BICRAL: variants seen among roughly 807,000 people sequenced by gnomAD.
The protein encoded by BICRAL is BICRA like chromatin remodeling complex associated protein.
Under a neutral mutation model 91.8 loss-of-function variants are expected in BICRAL, and 8 were observed. The observed-to-expected ratio is 0.09, with a 90% CI of 0.05 to 0.16. The LOEUF is 0.16. Ranked by LOEUF, BICRAL falls within the 10% of genes least tolerant of loss-of-function variation. The pLI is 1.00. For missense variants in BICRAL, 1,038 were observed against 1,310.9 expected, an observed-to-expected ratio of 0.79 and a Z score of 3.21; for synonymous variants, 445 against 491.1, an observed-to-expected ratio of 0.91 and a Z score of 1.24.
At position 42,862,576 on chromosome 6, in the gene BICRAL, C is replaced by T. The variant is rs1441820979; in HGVS notation, c.2416C>T (p.Leu806=). 5.0e-6 allele frequency: 8 copies of T among 1,610,968 alleles called. No homozygotes were observed. In the South Asian group the frequency reaches 7.7e-5, roughly 15 times the overall value. The change falls in exon 12 of 13, where the codon CTG becomes TTG. Residue 806 remains leucine, a synonymous_variant. Coordinates refer to ENST00000314073, the MANE Select transcript of BICRAL (RefSeq NM_001393499.1). ...RMFNQEERAS[L]SRDKRLALVD... is the part of the protein sequence containing the mutation. ...GTTCAACCAGGAGGAAAGAGCTTCC[C>T]TGTCCCGAGACAAGCGTTTGGCACT...
At chr6:42,766,837 G>C (rs935783953) in intron 1 of BICRAL, among the ~76,000 whole-genome samples, 4 of 152,094 alleles carry the variant, frequency 2.6e-5, no homozygotes, top group African/African-American at 9.7e-5. Flanking sequence ...TCAGGAGATC[G>C]AGACCATCCT....
In BICRAL at chr6:42,822,793, T is replaced by A; in HGVS notation, c.42-3T>A. On this transcript the variant is annotated splice_region_variant and splice_polypyrimidine_tract_variant and intron_variant, in intron 3 of 12. Transcript: ENST00000314073. Reference sequence around the variant, plus strand: ...TTATCTCTTTTTTTCCTCTCTTTTCTAGAGACCCACAAGCATTGAACTATT... The same window carrying A: ...TTATCTCTTTTTTTCCTCTCTTTTCAAGAGACCCACAAGCATTGAACTATT... 1 of 1,528,796 alleles carries A rather than the reference T, an allele frequency of 6.5e-7. No individual in the cohort carries two copies. The highest frequency in any genetic ancestry group is 1.7e-5 in the Admixed American group (1 of 59,608). The allele number at this position is 1,528,796 out of a possible 1,614,324, so 94.7% of individuals were successfully genotyped here. A position where few individuals can be genotyped will look rare whatever the true frequency, so the allele number is the denominator to read the frequency against.
chr6:42,763,746 G>A (rs1357895162), intron 1 of BICRAL, among the ~76,000 whole-genome samples: 2 of 151,872 alleles, frequency 1.3e-5, no homozygotes, highest in African/African-American at 4.8e-5. Context: ...ACTTCAACCC[G>A]GGAGGTGGAG....
At chr6:42,803,375 T>G (rs762860199) in intron 1 of BICRAL, among the ~76,000 whole-genome samples, 8 of 152,168 alleles carry the variant, frequency 5.3e-5, no homozygotes, top group Non-Finnish European at 2.9e-5. Flanking sequence ...TCACTTTTTT[T>G]ACACTGGCTT....
intron 1 of BICRAL, among the ~76,000 whole-genome samples, chr6:42,774,830 G>GT (rs34443955): frequency 2.0e-4 from 30 of 149,494 alleles, no homozygotes; most frequent in Admixed American, 4.7e-4. Context: ...CACTCCCGTA[G>GT]TTTTTTTTTT....
chr6:42,826,465 C>G (rs1366870493), intron 5 of BICRAL, among the ~76,000 whole-genome samples: 1 of 151,900 alleles, frequency 6.6e-6, no homozygotes, highest in Non-Finnish European at 1.5e-5. Context: ...GAACTCCGGA[C>G]CTCAGGTGAT....
intron 8 of BICRAL, 152 bp downstream of exon 8, chr6:42,853,890 C>T (rs1427238664): frequency 4.9e-6 from 3 of 616,646 alleles, no homozygotes; most frequent in Admixed American, 5.7e-5. Flanking sequence ...GAAGACCTTC[C>T]TGGTGGGCTG....
At chr6:42,842,665 T>C (rs144490952) in intron 6 of BICRAL, among the ~76,000 whole-genome samples, 1 of 152,304 alleles carries the variant, frequency 6.6e-6, no homozygotes, top group African/African-American at 2.4e-5. Context: ...TTTCAGTCCC[T>C]TCACTGATCT....
chr6:42,785,235 A>G (rs903831371), intron 1 of BICRAL, among the ~76,000 whole-genome samples: 11 of 152,126 alleles, frequency 7.2e-5, no homozygotes, highest in African/African-American at 2.4e-4. Context: ...TAGCCAGGCC[A>G]TCTAGTTTAG....
chr6:42,854,749 G>C (rs1765294056), intron 8 of BICRAL, among the ~76,000 whole-genome samples: 3 of 151,934 alleles, frequency 2.0e-5, no homozygotes, highest in Non-Finnish European at 1.5e-5. Context: ...TGAAACTCCT[G>C]GGCTCAAGCA....
At chr6:42,813,589 G>A (rs1172772792) in intron 2 of BICRAL, among the ~76,000 whole-genome samples, 1 of 152,088 alleles carries the variant, frequency 6.6e-6, no homozygotes, top group Admixed American at 6.6e-5. Context: ...ACACAATCAC[G>A]GCTCACTGCA....
chr6:42,845,633 C>T (rs562752792), intron 6 of BICRAL, among the ~76,000 whole-genome samples: 43 of 152,120 alleles, frequency 2.8e-4, no homozygotes, highest in Non-Finnish European at 1.6e-4. Flanking sequence ...GTTCTCCCTC[C>T]TTGTTCTCCT....
Position 42,835,405 on chromosome 6 carries a change from A to G in BICRAL, c.1839+5233A>G, listed in dbSNP as rs758561298. On this transcript the variant is annotated intron_variant, in intron 6 of 12. Coordinates refer to ENST00000314073, the MANE Select transcript of BICRAL (RefSeq NM_001393499.1). ...CAGCCTCCCAAAGTGCTGGGATTTC[A>G]GGCATGAGCCACCATGCCTGGCCTG... Among the ~76,000 whole-genome samples, 115 of 152,228 alleles carry G rather than the reference A, an allele frequency of 7.6e-4. 2 individuals are homozygous for G. In the Middle Eastern group the frequency reaches 0.01, roughly 14 times the overall value.
chr6:42,763,957 C>G (rs1278196406), intron 1 of BICRAL, among the ~76,000 whole-genome samples: 1 of 150,186 alleles, frequency 6.7e-6, no homozygotes, highest in African/African-American at 2.5e-5. Context: ...AAATGTCTGC[C>G]AAGGCTGGGC....
intron 1 of BICRAL, among the ~76,000 whole-genome samples, chr6:42,748,399 A>G (rs1290588766): frequency 2.6e-5 from 4 of 152,178 alleles, no homozygotes; most frequent in Admixed American, 2.6e-4. Flanking sequence ...GGAGTGAGAT[A>G]ACATTTCGGT....
In BICRAL at chr6:42,843,834, T is replaced by A. The variant is rs548564865; in HGVS notation, c.1840-8258T>A. Among the ~76,000 whole-genome samples the A allele has an allele frequency of 6.9e-5, 10 of 144,194 alleles. No individual in the cohort carries two copies. The South Asian group carries it at 2.0e-3, about 28-fold the overall frequency. The allele number at this position is 144,194 out of a possible 152,430, so 94.6% of individuals were successfully genotyped here. On this transcript the variant is annotated intron_variant, in intron 6 of 12. Coordinates refer to ENST00000314073, the MANE Select transcript of BICRAL (RefSeq NM_001393499.1). ...TTTTTTTTTTGAGACGGAGTCTCAC[T>A]CTGTCACCCAGGCGAGTGCAATAGC...
At chr6:42,845,665 G>C (rs897142559) in intron 6 of BICRAL, among the ~76,000 whole-genome samples, 4 of 152,064 alleles carry the variant, frequency 2.6e-5, no homozygotes, top group Non-Finnish European at 5.9e-5. Flanking sequence ...ATTGCCCCAG[G>C]CTATCTTTAC....
chr6:42,792,771 G>A (rs1344397507), intron 1 of BICRAL, among the ~76,000 whole-genome samples: 2 of 151,802 alleles, frequency 1.3e-5, no homozygotes, highest in Non-Finnish European at 2.9e-5. Flanking sequence ...AAATTAGCCA[G>A]GTGTGGTGGC....
intron 1 of BICRAL, among the ~76,000 whole-genome samples, chr6:42,767,786 A>C (rs1411823250): frequency 6.6e-6 from 1 of 152,218 alleles, no homozygotes; most frequent in Non-Finnish European, 1.5e-5. Flanking sequence ...ATGGAAGTAC[A>C]GAGGAAACAG....
Sources: gnomAD v4.1 joint callset for allele counts (sites outside exome capture counted in the v4.1 genomes callset) on GRCh38, gnomAD v4.1.1 for gene constraint, MANE v1.5 for transcripts, NCBI Gene and HGNC (gene_info 2026-07-23, HGNC 2026-07-21) for gene names.